PPFIBP2: variants seen among roughly 807,000 people sequenced by gnomAD.
The protein encoded by PPFIBP2 is PPFIB scaffold protein 2, also known as liprin-beta-2.
PPFIBP2 carries 118 observed loss-of-function variants against 118.3 expected under a neutral mutation model. The ratio of observed to expected loss-of-function variants is 1.00; its 90% CI spans 0.86 to 1.16. The LOEUF is 1.16. Ranked by LOEUF, PPFIBP2 falls within the 50% of genes most tolerant of loss-of-function variation. PPFIBP2 has a pLI of 0.00. For synonymous variants in PPFIBP2, 414 were observed against 397.4 expected (o/e 1.04, Z -0.50); for missense variants, 1,195 against 1,073.1 (o/e 1.11, Z -1.59).
At chr11:7,581,381 A>G (rs1196829126) in intron 3 of PPFIBP2, among the ~76,000 whole-genome samples, 1 of 152,168 alleles carries the variant, frequency 6.6e-6, no homozygotes, top group Non-Finnish European at 1.5e-5. Context: ...CCTGGCTTCC[A>G]GCACTCTCAG....
intron 15 of PPFIBP2, among the ~76,000 whole-genome samples, chr11:7,640,369 G>A (rs558976192): frequency 6.6e-6 from 1 of 152,324 alleles, no homozygotes; most frequent in South Asian, 2.1e-4. Context: ...GAAGTCAGTG[G>A]CCAATGGGCA....
chr11:7,533,507 C>T (rs1418517707), intron 1 of PPFIBP2, among the ~76,000 whole-genome samples: 1 of 152,176 alleles, frequency 6.6e-6, no homozygotes, highest in Admixed American at 6.5e-5. Context: ...GACAGGGAGG[C>T]AGACACATTG....
At chr11:7,580,220 C>T (rs1857061870) in intron 3 of PPFIBP2, among the ~76,000 whole-genome samples, 1 of 152,198 alleles carries the variant, frequency 6.6e-6, no homozygotes, top group African/African-American at 2.4e-5. Flanking sequence ...CTGACTCCAT[C>T]CAGGCTGTCT....
At chr11:7,569,464 C>T (rs1479641977) in intron 3 of PPFIBP2, among the ~76,000 whole-genome samples, 2 of 152,182 alleles carry the variant, frequency 1.3e-5, no homozygotes, top group African/African-American at 4.8e-5. Flanking sequence ...GGCTCTGGGC[C>T]TAGAAGGGCA....
At chr11:7,621,768 C>G (rs1359837008) in intron 7 of PPFIBP2, among the ~76,000 whole-genome samples, 1 of 152,218 alleles carries the variant, frequency 6.6e-6, no homozygotes, top group Non-Finnish European at 1.5e-5. Flanking sequence ...GTGGGAGGCT[C>G]ACACCTGCCT....
chr11:7,528,493 A>G (rs1850411342), intron 1 of PPFIBP2, among the ~76,000 whole-genome samples: 1 of 152,204 alleles, frequency 6.6e-6, no homozygotes, highest in South Asian at 2.1e-4. Context: ...AAAAGCTTCT[A>G]TCATTAGTAA....
intron 3 of PPFIBP2, among the ~76,000 whole-genome samples, chr11:7,579,460 C>T (rs533444994): frequency 1.3e-5 from 2 of 152,200 alleles, no homozygotes; most frequent in South Asian, 2.1e-4. Context: ...TTAAGCCCCA[C>T]TGGGGAGATA....
At chr11:7,624,299 C>T (rs909682122) in intron 7 of PPFIBP2, among the ~76,000 whole-genome samples, 2 of 152,182 alleles carry the variant, frequency 1.3e-5, no homozygotes, top group African/African-American at 2.4e-5. Context: ...TTGTACTACT[C>T]CCGTTTTCTC....
At chr11:7,597,176 T>C in intron 4 of PPFIBP2, 1 of 1,466,234 alleles carries the variant, frequency 6.8e-7, no homozygotes, top group South Asian at 1.4e-5. Flanking sequence ...GGACCGCTCT[T>C]CCACACGAGG....
intron 3 of PPFIBP2, among the ~76,000 whole-genome samples, chr11:7,585,387 C>T (rs1857963962): frequency 6.6e-6 from 1 of 152,182 alleles, no homozygotes; most frequent in Admixed American, 6.5e-5. Context: ...TACTTGTATA[C>T]CAATGACACC....
intron 3 of PPFIBP2, among the ~76,000 whole-genome samples, chr11:7,566,989 G>T (rs1464769701): frequency 1.3e-5 from 2 of 152,092 alleles, no homozygotes; most frequent in African/African-American, 4.8e-5. Flanking sequence ...TTATCTATTT[G>T]AATGACCTTT....
rs757402878 is a variant in PPFIBP2, at chr11:7,651,674, A to G, written c.2266A>G (p.Thr756Ala). 5.2e-5 allele frequency: 84 copies of G among 1,610,924 alleles called. No individual in the cohort carries two copies. The highest frequency in any genetic ancestry group is 6.5e-5 in the Non-Finnish European group (77 of 1,177,716). Residue 756 changes from threonine to alanine, a missense_variant, in exon 23 of 24, where the codon ACT becomes GCT. Transcript: ENST00000299492. Reference protein sequence around the residue: ...GGLIILEPRFTGDTLAMLLNI... With the variant: ...GGLIILEPRFAGDTLAMLLNI... ...TTCTTAGATCCTGGAGCCACGCTTCACTGGGGACACCCTGGCTATGCTTCT... is the reference window on the plus strand; with the variant it reads ...TTCTTAGATCCTGGAGCCACGCTTCGCTGGGGACACCCTGGCTATGCTTCT...
At chr11:7,516,614 A>C (rs1212060752) in intron 1 of PPFIBP2, among the ~76,000 whole-genome samples, 1 of 152,114 alleles carries the variant, frequency 6.6e-6, no homozygotes, top group Non-Finnish European at 1.5e-5. Flanking sequence ...TGAGGCCTAA[A>C]ATGGCGTCAG....
intron 2 of PPFIBP2, among the ~76,000 whole-genome samples, chr11:7,558,022 G>C (rs574819846): frequency 6.6e-6 from 1 of 152,178 alleles, no homozygotes; most frequent in African/African-American, 2.4e-5. Flanking sequence ...AGTTTATCTT[G>C]TCTATATGTC....
At position 7,642,451 on chromosome 11, in the gene PPFIBP2, G is replaced by T. The variant is rs745990163; in HGVS notation, c.1646+25G>T. The T allele has an allele frequency of 4.4e-6, 7 of 1,599,392 alleles. No individual in the cohort carries two copies. In the East Asian group the frequency reaches 1.1e-4, roughly 26 times the overall value. On this transcript the variant is annotated intron_variant, in intron 17 of 23. Coordinates refer to ENST00000299492, the MANE Select transcript of PPFIBP2 (RefSeq NM_003621.5). ...GGTAAGGCTTGACCCACTTTCCTTT[G>T]ATCTCCCTGCTCTGAAAAAGAAGTA...
chr11:7,585,972 A>G (rs1858091366), intron 3 of PPFIBP2, among the ~76,000 whole-genome samples: 1 of 152,230 alleles, frequency 6.6e-6, no homozygotes, highest in Non-Finnish European at 1.5e-5. Flanking sequence ...AGTACACAAT[A>G]AAACACTTGT....
At chr11:7,523,969 T>A (rs1052006676) in intron 1 of PPFIBP2, among the ~76,000 whole-genome samples, 1 of 152,216 alleles carries the variant, frequency 6.6e-6, no homozygotes, top group Non-Finnish European at 1.5e-5. Flanking sequence ...GCTGGGCCTC[T>A]CACTCTGACC....
intron 14 of PPFIBP2, 27 bp from the exon 15 acceptor site, chr11:7,639,703 ATC>A (rs1372748263): frequency 6.2e-7 from 1 of 1,613,216 alleles, no homozygotes. Context: ...TTAAGTCGGT[ATC>A]TCTCTCTTTC....
At chr11:7,628,505 C>T (rs985500855) in intron 9 of PPFIBP2, among the ~76,000 whole-genome samples, 159 bp downstream of exon 9, 1 of 152,178 alleles carries the variant, frequency 6.6e-6, no homozygotes, top group African/African-American at 2.4e-5. Flanking sequence ...GAGACTTGGC[C>T]TCAGCCACCT....
Sources: gnomAD v4.1 joint callset for allele counts (sites outside exome capture counted in the v4.1 genomes callset) on GRCh38, gnomAD v4.1.1 for gene constraint, MANE v1.5 for transcripts, NCBI Gene and HGNC (gene_info 2026-07-23, HGNC 2026-07-21) for gene names.